Variants in RCL1 observed in about 807,000 individuals in gnomAD.
The protein encoded by RCL1 is RNA 3'-terminal phosphate cyclase-like protein.
Under a neutral mutation model 42.4 loss-of-function variants are expected in RCL1, and 24 were observed. The ratio of observed to expected loss-of-function variants is 0.57; its 90% confidence interval spans 0.41 to 0.80. The LOEUF is 0.80. Ranked by LOEUF, RCL1 falls within the 30% of genes least tolerant of loss-of-function variation. The pLI is 0.00. For missense variants in RCL1, 578 were observed against 467.9 expected (o/e 1.24, Z -2.17); for synonymous variants, 228 against 177.3 (o/e 1.29, Z -2.27).
intron 1 of RCL1, among the ~76,000 whole-genome samples, chr9:4,797,941 G>A (rs997641716): frequency 2.0e-5 from 3 of 152,136 alleles, no homozygotes; most frequent in Non-Finnish European, 4.4e-5. Context: ...TTATGCTTCC[G>A]TTTTGAGGAA....
At chr9:4,859,279 A>C (rs1223573473) in intron 8 of RCL1, among the ~76,000 whole-genome samples, 4 of 152,060 alleles carry the variant, frequency 2.6e-5, no homozygotes, top group Non-Finnish European at 5.9e-5. Context: ...CACCTTATTT[A>C]ATATTGCCTT....
intron 5 of RCL1, 40 bp downstream of exon 5, chr9:4,834,305 G>A: frequency 6.3e-7 from 1 of 1,578,258 alleles, no homozygotes; most frequent in Admixed American, 1.7e-5. Flanking sequence ...TTTTTTTGTT[G>A]TTGTTGCCTC....
At chr9:4,817,153 A>C (rs1816411177) in intron 1 of RCL1, among the ~76,000 whole-genome samples, 1 of 152,114 alleles carries the variant, frequency 6.6e-6, no homozygotes, top group African/African-American at 2.4e-5. Context: ...GGGGAAAAAA[A>C]ACTTACAGTG....
intron 3 of RCL1, 117 bp downstream of exon 3, chr9:4,827,150 G>A: frequency 1.3e-6 from 2 of 1,556,332 alleles, no homozygotes; most frequent in Non-Finnish European, 1.7e-6. Context: ...TATTGCTTTT[G>A]TTATTTACTT....
At chr9:4,845,864 G>T (rs1587728115) in intron 7 of RCL1, among the ~76,000 whole-genome samples, 1 of 152,150 alleles carries the variant, frequency 6.6e-6, no homozygotes, top group South Asian at 2.1e-4. Flanking sequence ...TTCTTTCTTT[G>T]TATTGTTCTG....
At chr9:4,826,815 GT>G in intron 2 of RCL1, 42 bp from the exon 3 acceptor site, 1 of 1,544,032 alleles carries the variant, frequency 6.5e-7, no homozygotes, top group Non-Finnish European at 8.8e-7. Flanking sequence ...TGACATTTTA[GT>G]TTTTTTCCTG....
intron 7 of RCL1, 144 bp from the exon 8 acceptor site, chr9:4,849,303 C>T (rs964549124): frequency 6.4e-6 from 4 of 625,796 alleles, no homozygotes; most frequent in African/African-American, 3.7e-5. Context: ...AATGATTACT[C>T]TTATAAGACC....
At chr9:4,850,029 A>G (rs544552197) in intron 8 of RCL1, among the ~76,000 whole-genome samples, 89 of 152,308 alleles carry the variant, frequency 5.8e-4, no homozygotes, top group African/African-American at 1.9e-3. Context: ...GTGAGTTTGG[A>G]TTGTTGAATG....
chr9:4,839,854 T>C (rs1327421141), intron 5 of RCL1: 3 of 985,014 alleles, frequency 3.0e-6, no homozygotes, highest in Non-Finnish European at 3.6e-6. Flanking sequence ...TGAAGAGAGA[T>C]GTATGGTAAG....
intron 8 of RCL1, among the ~76,000 whole-genome samples, chr9:4,852,823 T>C (rs1418059243): frequency 6.6e-6 from 1 of 151,628 alleles, no homozygotes; most frequent in Non-Finnish European, 1.5e-5. Flanking sequence ...AGAGGCAGTG[T>C]GGCTAGAGTA....
chr9:4,820,245 G>A (rs1213626197), intron 1 of RCL1, among the ~76,000 whole-genome samples: 1 of 152,176 alleles, frequency 6.6e-6, no homozygotes, highest in East Asian at 1.9e-4. Context: ...GTGTGTGGGA[G>A]GTGAATGGGC....
At chr9:4,819,585 G>T (rs1167931289) in intron 1 of RCL1, among the ~76,000 whole-genome samples, 1 of 152,170 alleles carries the variant, frequency 6.6e-6, no homozygotes, top group Non-Finnish European at 1.5e-5. Context: ...GAGGCGGGGG[G>T]ATCATGAGGT....
chr9:4,806,220 G>A (rs952540857), intron 1 of RCL1, among the ~76,000 whole-genome samples: 6 of 151,630 alleles, frequency 4.0e-5, no homozygotes, highest in Admixed American at 2.0e-4. Context: ...TGATATGTAC[G>A]CCTTTTATTT....
intron 1 of RCL1, among the ~76,000 whole-genome samples, chr9:4,819,966 A>AC (rs932529057): frequency 7.9e-5 from 12 of 151,856 alleles, no homozygotes; most frequent in South Asian, 4.2e-4. Flanking sequence ...CACCTTTGTG[A>AC]CCCCCCCATC....
In RCL1 at chr9:4,836,368, G is replaced by A. The variant is rs569226377; in HGVS notation, c.584+2103G>A. ...TTCCTCACTGAGGATTGTCACAGGG[G>A]CTCACCAGCCTGGACAAAGCAGGTC... On this transcript the variant is annotated intron_variant, in intron 5 of 8. Coordinates refer to ENST00000381750, the MANE Select transcript of RCL1 (RefSeq NM_005772.5). 3.3e-5 allele frequency among the ~76,000 whole-genome samples: 5 copies of A among 152,268 alleles called. No homozygotes were observed. In the South Asian group the frequency reaches 1.0e-3, roughly 32 times the overall value.
chr9:4,796,995 A>G (rs896803521), intron 1 of RCL1, among the ~76,000 whole-genome samples: 2 of 152,138 alleles, frequency 1.3e-5, no homozygotes, highest in Non-Finnish European at 2.9e-5. Flanking sequence ...TATTTTCTTT[A>G]TTTTACTGAG....
At chr9:4,811,140 G>C (rs958954978) in intron 1 of RCL1, among the ~76,000 whole-genome samples, 80 of 151,930 alleles carry the variant, frequency 5.3e-4, no homozygotes, top group African/African-American at 1.8e-3. Flanking sequence ...AAATTAGCCA[G>C]GTGTGGTGGT....
chr9:4,828,165 CAAAAAAAAAA>C (rs147771721), intron 3 of RCL1, among the ~76,000 whole-genome samples: 858 of 50,762 alleles, frequency 0.017, 14 homozygotes, highest in African/African-American at 0.051. Flanking sequence ...GACTCCGTCT[CAAAAAAAAAA>C]AAAAAAAAAA....
At chr9:4,808,528 G>C (rs1019024497) in intron 1 of RCL1, among the ~76,000 whole-genome samples, 1 of 151,942 alleles carries the variant, frequency 6.6e-6, no homozygotes, top group African/African-American at 2.4e-5. Flanking sequence ...GGCTGGTCTC[G>C]GATCTCCTGA....
Sources: allele counts gnomAD v4.1 joint callset (sites outside exome capture counted in the v4.1 genomes callset), GRCh38; gene constraint gnomAD v4.1.1; transcripts MANE v1.5; gene names NCBI Gene and HGNC (gene_info 2026-07-23, HGNC 2026-07-21).